The following SAMD5 variants were observed in gnomAD, a reference collection of about 807,000 sequenced individuals.
SAMD5 encodes the protein sterile alpha motif domain-containing protein 5.
In SAMD5, 13 loss-of-function variants were observed where a neutral mutation model predicts 11.3. The observed-to-expected ratio is 1.15, with a 90% CI of 0.75 to 1.83. The LOEUF is 1.83. Ranked by LOEUF, SAMD5 falls within the 40% of genes most tolerant of loss-of-function variation. SAMD5 has a pLI of 0.00. For synonymous variants in SAMD5, 129 were observed against 111.3 expected (o/e 1.16, Z -1.00); for missense variants, 255 against 239.1 (o/e 1.07, Z -0.44).
chr6:147,559,421 T>C (rs958825811), intron 1 of SAMD5, among the ~76,000 whole-genome samples: 2 of 152,188 alleles, frequency 1.3e-5, no homozygotes, highest in African/African-American at 4.8e-5. Context: ...GAAAAAGCAG[T>C]AGGAAAATGT....
intron 1 of SAMD5, among the ~76,000 whole-genome samples, chr6:147,528,898 A>T (rs1788386060): frequency 6.6e-6 from 1 of 152,230 alleles, no homozygotes; most frequent in African/African-American, 2.4e-5. Flanking sequence ...AGGGCCAAAC[A>T]GTACCATTGA....
chr6:147,914,270 C>T, the SAMD5 span, among the ~76,000 whole-genome samples: 1 of 150,592 alleles, frequency 6.6e-6, no homozygotes, highest in Non-Finnish European at 1.5e-5. Flanking sequence ...CAAAAGATTG[C>T]GCACCCCTAG....
chr6:147,543,226 T>C (rs764654268), intron 1 of SAMD5, among the ~76,000 whole-genome samples: 18 of 152,234 alleles, frequency 1.2e-4, no homozygotes, highest in Non-Finnish European at 2.2e-4. Flanking sequence ...TTTTTCTTGA[T>C]GGAAAGATGT....
rs1234701699 is a variant in SAMD5 at position 147,723,916 on chromosome 6, A to G, written c.163-13401A>G. 2.0e-5 allele frequency among the ~76,000 whole-genome samples: 3 copies of G among 152,090 alleles called. No individual in the cohort carries two copies. In the South Asian group the frequency reaches 6.2e-4, roughly 32 times the overall value. The stretch of plus-strand genomic sequence containing the variant: ...GTAATATTCTTTTGTGGCTTTCTAC[A>G]TATCAAGTGGAAGTGGAACTCCTTA... On this transcript the variant is annotated intron_variant, in intron 1 of 1. Transcript: ENST00000566741.
At chr6:147,950,090 T>C in the SAMD5 span, among the ~76,000 whole-genome samples, 1 of 152,278 alleles carries the variant, frequency 6.6e-6, no homozygotes, top group South Asian at 2.1e-4. Flanking sequence ...AAGCCTGGAA[T>C]AGAAAACAAG....
At chr6:147,552,042 C>T (rs115013964) in intron 1 of SAMD5, among the ~76,000 whole-genome samples, 1,778 of 152,030 alleles carry the variant, frequency 0.012, 8 homozygotes, top group African/African-American at 0.018. Context: ...GGGATGTTTC[C>T]ATGGGTCTGT....
intron 1 of SAMD5, among the ~76,000 whole-genome samples, chr6:147,578,442 T>A (rs973644103): frequency 6.6e-5 from 10 of 152,300 alleles, no homozygotes; most frequent in Middle Eastern, 3.4e-3. Flanking sequence ...TCTGTTCACT[T>A]TTGTAGATAG....
the SAMD5 span, among the ~76,000 whole-genome samples, chr6:147,789,662 G>C: frequency 5.9e-5 from 9 of 152,156 alleles, no homozygotes; most frequent in African/African-American, 2.2e-4. Context: ...AGATTTCGTT[G>C]ATTTTTTCTG....
At chr6:147,847,165 T>TCCTTCCTTCCTC in the SAMD5 span, among the ~76,000 whole-genome samples, 5 of 152,140 alleles carry the variant, frequency 3.3e-5, no homozygotes, top group African/African-American at 7.2e-5. Context: ...CCTCTCTTCC[T>TCCTTCCTTCCTC]CCTTCCTTCC....
chr6:147,669,998 C>T (rs184443463), intron 1 of SAMD5, among the ~76,000 whole-genome samples: 33 of 152,278 alleles, frequency 2.2e-4, no homozygotes, highest in Admixed American at 1.5e-3. Flanking sequence ...TACCACCTTA[C>T]GAAATGTGTT....
intron 1 of SAMD5, among the ~76,000 whole-genome samples, chr6:147,694,990 C>T (rs940488413): frequency 2.6e-5 from 4 of 152,144 alleles, no homozygotes; most frequent in Non-Finnish European, 4.4e-5. Context: ...GAGTAAATAA[C>T]AGCCCATAAT....
At chr6:147,809,122 C>A in the SAMD5 span, among the ~76,000 whole-genome samples, 1 of 152,260 alleles carries the variant, frequency 6.6e-6, no homozygotes, top group African/African-American at 2.4e-5. Context: ...GTCCTGGAGA[C>A]CTGTGCTTAT....
At chr6:147,804,274 A>ATT in the SAMD5 span, among the ~76,000 whole-genome samples, 1,532 of 150,328 alleles carry the variant, frequency 0.01, 37 homozygotes, top group African/African-American at 0.035. Context: ...CACCCAGCTA[A>ATT]TTTTTTTTTG....
chr6:147,579,998 A>G (rs772088343), intron 1 of SAMD5, among the ~76,000 whole-genome samples: 2 of 152,348 alleles, frequency 1.3e-5, no homozygotes, highest in East Asian at 1.9e-4. Context: ...AATGCTGGCT[A>G]CTACTTTCTC....
At chr6:147,541,566 A>G (rs1487092795) in intron 1 of SAMD5, among the ~76,000 whole-genome samples, 1 of 152,142 alleles carries the variant, frequency 6.6e-6, no homozygotes, top group Admixed American at 6.5e-5. Flanking sequence ...ACCCAGAGAG[A>G]CAGGCCTGTT....
chr6:147,852,913 G>A, the SAMD5 span, among the ~76,000 whole-genome samples: 1 of 152,144 alleles, frequency 6.6e-6, no homozygotes, highest in Non-Finnish European at 1.5e-5. Flanking sequence ...AAGCATAAGT[G>A]CCATACACAA....
chr6:147,704,709 A>G (rs1387416457), intron 1 of SAMD5, among the ~76,000 whole-genome samples: 1 of 152,208 alleles, frequency 6.6e-6, no homozygotes, highest in Non-Finnish European at 1.5e-5. Context: ...CATGAGGTCC[A>G]TTCTTTCAAA....
At chr6:147,520,139 A>G (rs13211278) in intron 1 of SAMD5, among the ~76,000 whole-genome samples, 8,154 of 137,270 alleles carry the variant, frequency 0.059, 292 homozygotes, top group Admixed American at 0.093. Flanking sequence ...TTTTTTGGAG[A>G]TAGAGTCTCG....
the SAMD5 span, among the ~76,000 whole-genome samples, chr6:147,844,308 T>C: frequency 1.3e-5 from 2 of 152,158 alleles, no homozygotes; most frequent in Admixed American, 6.5e-5. Context: ...ATCTAATATC[T>C]ACTAGATTGG....
Sources: gnomAD v4.1 joint callset for allele counts (sites outside exome capture counted in the v4.1 genomes callset) on GRCh38, gnomAD v4.1.1 for gene constraint, MANE v1.5 for transcripts, NCBI Gene and HGNC (gene_info 2026-07-23, HGNC 2026-07-21) for gene names.